Variants in WWOX observed in about 807,000 individuals in gnomAD.
WWOX encodes WW domain containing oxidoreductase, also known as WW domain-containing oxidoreductase.
WWOX carries 69 observed loss-of-function variants against 46.2 expected under a neutral mutation model. That is an observed-to-expected ratio of 1.49 (90% CI 1.23 to 1.82). The LOEUF is 1.82. Among genes scored for constraint, WWOX ranks in the 40% most tolerant of loss-of-function variants. The pLI, the probability that WWOX is intolerant of heterozygous loss-of-function variation, is 0.00. For synonymous variants in WWOX, 359 were observed against 202.6 expected (o/e 1.77, Z -6.56); for missense variants, 919 against 542.6 (o/e 1.69, Z -6.89).
intron 8 of WWOX, among the ~76,000 whole-genome samples, chr16:78,817,437 C>G (rs895079578): frequency 1.3e-5 from 2 of 152,160 alleles, no homozygotes; most frequent in African/African-American, 2.4e-5. Context: ...TACCAACAAT[C>G]ATAAAACTGA....
intron 5 of WWOX, among the ~76,000 whole-genome samples, chr16:78,171,815 C>T (rs937140956): frequency 6.6e-6 from 1 of 152,136 alleles, no homozygotes; most frequent in Non-Finnish European, 1.5e-5. Flanking sequence ...GCCACTTGCT[C>T]AAGTCAATAA....
chr16:78,343,692 G>C lies in WWOX; in HGVS notation c.517-43168G>C, dbSNP rs562825421. ...GTGCTAGATAGCAGATTTGTGTATGGATATGCACCCGGCTAGGGACCTCTT... is the reference window on the plus strand; with the variant it reads ...GTGCTAGATAGCAGATTTGTGTATGCATATGCACCCGGCTAGGGACCTCTT... On this transcript the variant is annotated intron_variant, in intron 5 of 8. Coordinates refer to ENST00000566780, the MANE Select transcript of WWOX (RefSeq NM_016373.4). 9.1e-5 allele frequency among the ~76,000 whole-genome samples: 11 copies of C among 121,372 alleles called. No individual in the cohort carries two copies. The East Asian group carries it at 2.1e-3, about 23-fold the overall frequency. The allele number at this position is 121,372 out of a possible 152,430, so 79.6% of individuals were successfully genotyped here. A position where few individuals can be genotyped will look rare whatever the true frequency, so the allele number is the denominator to read the frequency against.
intron 8 of WWOX, among the ~76,000 whole-genome samples, chr16:79,144,586 A>T (rs76759924): frequency 6.6e-6 from 1 of 151,980 alleles, no homozygotes; most frequent in African/African-American, 2.4e-5. Context: ...GGAGTGCATT[A>T]AAAAAAATAT....
At chr16:78,808,532 G>A (rs145714501) in intron 8 of WWOX, among the ~76,000 whole-genome samples, 15 of 152,210 alleles carry the variant, frequency 9.9e-5, no homozygotes, top group Non-Finnish European at 1.6e-4. Flanking sequence ...GTGAATTTCC[G>A]ATGTCATAGA....
chr16:78,166,986 A>G (rs1273086414), intron 5 of WWOX: 1 of 152,186 alleles, frequency 6.6e-6, no homozygotes, highest in African/African-American at 2.4e-5. Flanking sequence ...AACTCTGCCT[A>G]TTTGATGTAA....
intron 8 of WWOX, among the ~76,000 whole-genome samples, chr16:78,468,640 T>C (rs1398562815): frequency 6.6e-6 from 1 of 152,206 alleles, no homozygotes; most frequent in African/African-American, 2.4e-5. Flanking sequence ...ACATCCCATG[T>C]CTGATTTATA....
intron 8 of WWOX, among the ~76,000 whole-genome samples, chr16:79,086,019 C>G (rs748166012): frequency 6.6e-6 from 1 of 152,088 alleles, no homozygotes. Context: ...CTGCAGTGAG[C>G]CATGACTGTG....
At chr16:78,931,234 C>G (rs2045617404) in intron 8 of WWOX, among the ~76,000 whole-genome samples, 1 of 152,090 alleles carries the variant, frequency 6.6e-6, no homozygotes, top group Non-Finnish European at 1.5e-5. Flanking sequence ...CCTGGAGATG[C>G]TGTGTGGGGA....
intron 5 of WWOX, among the ~76,000 whole-genome samples, chr16:78,188,504 AAT>A (rs1337764236): frequency 6.6e-6 from 1 of 151,804 alleles, no homozygotes; most frequent in Non-Finnish European, 1.5e-5. Flanking sequence ...AAAAAAAAAA[AAT>A]AGTAGATTGT....
intron 1 of WWOX, among the ~76,000 whole-genome samples, chr16:78,104,027 C>G (rs906903678): frequency 6.6e-6 from 1 of 152,098 alleles, no homozygotes; most frequent in Non-Finnish European, 1.5e-5. Flanking sequence ...TCTCCCCTCA[C>G]AGTCTCAGAG....
At chr16:78,907,881 G>A (rs1249912528) in intron 8 of WWOX, among the ~76,000 whole-genome samples, 1 of 152,164 alleles carries the variant, frequency 6.6e-6, no homozygotes, top group East Asian at 1.9e-4. Flanking sequence ...CCCGTGGCAT[G>A]TCAAGGGTCG....
At chr16:78,713,210 G>A (rs2048480975) in intron 8 of WWOX, among the ~76,000 whole-genome samples, 1 of 148,176 alleles carries the variant, frequency 6.7e-6, no homozygotes, top group Admixed American at 6.8e-5. Flanking sequence ...AGAGGTGGAG[G>A]CTGCAGTGAG....
At chr16:79,157,370 C>T (rs1252237099) in intron 8 of WWOX, among the ~76,000 whole-genome samples, 1 of 151,708 alleles carries the variant, frequency 6.6e-6, no homozygotes, top group African/African-American at 2.4e-5. Flanking sequence ...AAACAGTGAG[C>T]CTTGGTCAAG....
At chr16:79,106,661 G>C (rs1212515721) in intron 8 of WWOX, 4 of 135,624 alleles carry the variant, frequency 2.9e-5, no homozygotes, top group African/African-American at 1.1e-4. Flanking sequence ...GCAGTGTCAG[G>C]ATCATAGCTC....
chr16:78,292,517 C>G (rs867785270), intron 5 of WWOX, among the ~76,000 whole-genome samples: 1 of 152,052 alleles, frequency 6.6e-6, no homozygotes, highest in African/African-American at 2.4e-5. Context: ...TGCATGCAAT[C>G]CACATTACAC....
At chr16:79,057,340 A>G (rs894627851) in intron 8 of WWOX, among the ~76,000 whole-genome samples, 23 of 152,306 alleles carry the variant, frequency 1.5e-4, no homozygotes, top group Admixed American at 2.0e-4. Flanking sequence ...TTTGGATGCA[A>G]TTGCCCCCAA....
At chr16:78,742,936 G>T (rs1487735983) in intron 8 of WWOX, among the ~76,000 whole-genome samples, 1 of 152,088 alleles carries the variant, frequency 6.6e-6, no homozygotes, top group East Asian at 1.9e-4. Context: ...GAAGGAGAAG[G>T]CCCTGGCTTG....
chr16:78,448,664 A>C (rs1977027), intron 8 of WWOX, among the ~76,000 whole-genome samples: 1 of 152,216 alleles, frequency 6.6e-6, no homozygotes. Flanking sequence ...ATGAGGGGTG[A>C]GGAAGTTAAA....
intron 8 of WWOX, among the ~76,000 whole-genome samples, chr16:78,799,128 C>A (rs763249232): frequency 1.1e-4 from 16 of 151,504 alleles, no homozygotes; most frequent in Admixed American, 1.1e-3. Flanking sequence ...CATTATGGTT[C>A]CTGGCATTTG....
Sources: gnomAD v4.1 joint callset for allele counts (sites outside exome capture counted in the v4.1 genomes callset) on GRCh38, gnomAD v4.1.1 for gene constraint, MANE v1.5 for transcripts, NCBI Gene and HGNC (gene_info 2026-07-23, HGNC 2026-07-21) for gene names.